HERC1: variants seen among roughly 807,000 people sequenced by gnomAD.
HERC1 encodes the protein probable E3 ubiquitin-protein ligase HERC1.
Under a neutral mutation model 554.3 loss-of-function variants are expected in HERC1, and 160 were observed. That is an observed-to-expected ratio of 0.29 (90% CI 0.25 to 0.33). The LOEUF (loss-of-function observed/expected upper bound fraction) is 0.33. Among genes scored for constraint, HERC1 ranks in the 10% least tolerant of loss-of-function variants. HERC1 has a pLI of 1.00. For missense variants in HERC1, 4,919 were observed against 5,918.5 expected (o/e 0.83, Z 5.54); for synonymous variants, 2,175 against 2,131.7 (o/e 1.02, Z -0.56).
chr15:63,670,929 C>T (rs773709003), intron 39 of HERC1, among the ~76,000 whole-genome samples: 3 of 151,880 alleles, frequency 2.0e-5, no homozygotes, highest in South Asian at 2.1e-4. Flanking sequence ...GGGCCAGGTG[C>T]GGTGGCTCAC....
chr15:63,713,567 G>C lies in HERC1; in HGVS notation c.4249C>G (p.Pro1417Ala), dbSNP rs1395370096. Residue 1417 changes from proline to alanine, a missense_variant, in exon 23 of 78, where the codon CCA (proline) becomes GCA (alanine). Pro to Ala is a conservative substitution (Grantham distance 27, BLOSUM62 -1). Transcript: ENST00000443617. The part of the protein sequence containing the change: ...GAGSGARADD[P>A]PPQSQQERRV... ...CGCTCTTGCTGAGACTGAGGAGGTG[G>C]ATCATCAGCTCGAGCCCCAGACCCT... 5.6e-6 allele frequency: 9 copies of C among 1,613,776 alleles called. No homozygotes were observed. The highest frequency in any genetic ancestry group is 5.9e-6 in the Non-Finnish European group (7 of 1,179,864).
chr15:63,725,515 T>G lies in HERC1; in HGVS notation c.3347-2A>C. On this transcript the variant is annotated splice_acceptor_variant, in intron 17 of 77. Transcript: ENST00000443617. LOFTEE classifies it high-confidence loss of function. ...CAGGATCAATTAGTTCTGGCCCTCC[T>G]AAAGACAAAATCATTAGTTATTGTG... is the stretch of plus-strand genomic sequence containing the variant. 1 of 1,612,130 alleles carries G rather than the reference T, an allele frequency of 6.2e-7. No homozygotes were observed. The highest frequency in any genetic ancestry group is 1.3e-5 in the African/African-American group (1 of 75,004).
chr15:63,770,589 A>G (rs930131546), intron 2 of HERC1, among the ~76,000 whole-genome samples: 14 of 152,246 alleles, frequency 9.2e-5, no homozygotes, highest in South Asian at 2.1e-4. Flanking sequence ...CTATTCTCAT[A>G]TAAGTTAATG....
At chr15:63,686,562 T>C (rs2071773687) in intron 33 of HERC1, 27 bp from the exon 34 acceptor site, 1 of 1,598,526 alleles carries the variant, frequency 6.3e-7, no homozygotes. Context: ...TGGGTCAGCA[T>C]TTTGGAATAA....
intron 2 of HERC1, among the ~76,000 whole-genome samples, chr15:63,774,293 T>C (rs911638010): frequency 1.3e-5 from 2 of 152,192 alleles, no homozygotes; most frequent in African/African-American, 4.8e-5. Flanking sequence ...TGCCCCAAGG[T>C]GTAGAATAGT....
rs768097117 is a variant in HERC1, at chr15:63,643,515, A to T, written c.11220T>A (p.Val3740=). 2.5e-6 allele frequency: 4 copies of T among 1,608,226 alleles called. No individual in the cohort carries two copies. In the South Asian group the frequency reaches 4.4e-5, roughly 18 times the overall value. The change falls in exon 58 of 78, where the codon GTT becomes GTA. Residue 3740 remains valine, a synonymous_variant. Transcript: ENST00000443617. ...GYRKSSGAKC[V]YQLRGHITPV... ...GAGTGATGTGTCCCCGCAGCTGATAAACACACTTGGCTCCTGATGATTTCC... is the reference window on the plus strand; with the variant it reads ...GAGTGATGTGTCCCCGCAGCTGATATACACACTTGGCTCCTGATGATTTCC...
Position 63,713,614 on chromosome 15 carries a change from C to A in HERC1, c.4202G>T (p.Arg1401Leu). 6.2e-7 allele frequency: 1 copy of A among 1,613,348 alleles called. No individual in the cohort carries two copies. The highest frequency in any genetic ancestry group is 8.5e-7 in the Non-Finnish European group (1 of 1,179,650). ...CCCTGCCCCACTGTTCATTCTATCT[C>A]GGTCTCGGCTACGAGCTACTTCACG... ...SAREVARSRDRDRMNSGAGSG... is the reference protein window; with the variant it reads ...SAREVARSRDLDRMNSGAGSG... Residue 1401 changes from arginine to leucine, a missense_variant, in exon 23 of 78, where the codon CGA becomes CTA. By Grantham distance (102) the Arg-to-Leu change is moderately radical. Around this residue, in one of 11 missense-constraint regions of HERC1, gnomAD observed 1,121 missense variants for 1,244.0 expected, o/e 0.90. Coordinates refer to ENST00000443617, the MANE Select transcript of HERC1 (RefSeq NM_003922.4).
chr15:63,680,373 A>C lies in HERC1; in HGVS notation c.6465+164T>G, dbSNP rs1350992418. Among the ~76,000 whole-genome samples the C allele has an allele frequency of 6.6e-6, 1 of 152,218 alleles. No individual in the cohort carries two copies. The highest frequency in any genetic ancestry group is 1.5e-5 in the Non-Finnish European group (1 of 68,036). On this transcript the variant is annotated intron_variant, in intron 35 of 77. Coordinates refer to ENST00000443617, the MANE Select transcript of HERC1 (RefSeq NM_003922.4). The surrounding 1 kb of genome is among the most constrained non-coding windows in gnomAD (Gnocchi z 5.8). ...TCAAAAATCTTATTGGGGTTTTACT[A>C]TCTTCCTGTTTGTTGTTAATAAATG...
chr15:63,814,707 T>A (rs184025776), intron 1 of HERC1, among the ~76,000 whole-genome samples: 1 of 152,022 alleles, frequency 6.6e-6, no homozygotes, highest in Non-Finnish European at 1.5e-5. Flanking sequence ...GGCCTCAAGT[T>A]ATCTGCCCGC....
intron 1 of HERC1, among the ~76,000 whole-genome samples, chr15:63,797,364 C>T (rs762210376): frequency 1.1e-4 from 17 of 152,138 alleles, no homozygotes; most frequent in Non-Finnish European, 2.2e-4. Context: ...TTTGTCACTT[C>T]CTCAATTACT....
rs551361398 is a variant in HERC1, at chr15:63,621,437, C to T, written c.13688+1378G>A. Among the ~76,000 whole-genome samples the T allele has an allele frequency of 2.0e-5, 3 of 152,230 alleles. No individual in the cohort carries two copies. The South Asian group carries it at 6.2e-4, about 32-fold the overall frequency. ...TGGCTGCTCTTAACATTTTTTCCTT[C>T]ATTTCAACTTTGGTGAATCTGACAA... On this transcript the variant is annotated intron_variant, in intron 74 of 77. Transcript: ENST00000443617.
rs1301431865 is a variant in HERC1, at chr15:63,641,624, C to T, written c.11453G>A (p.Cys3818Tyr). The T allele has an allele frequency of 3.9e-6, 6 of 1,552,792 alleles. No individual in the cohort carries two copies. Among genetic ancestry groups the T allele is most frequent in the South Asian group, 1.2e-5 (1 of 83,890 alleles). Residue 3818 changes from cysteine to tyrosine, a missense_variant, in exon 60 of 78, where the codon TGT becomes TAT. By Grantham distance (194) the Cys-to-Tyr change is radical. Transcript: ENST00000443617. ...NRSKDVLVVN[C>Y]TAEWAAANHV... ...ATTGGCAGCTGCCCATTCTGCTGTA[C>T]AATTCACGACCAAAACATCCTGGTT... is the stretch of plus-strand genomic sequence containing the variant.
intron 1 of HERC1, among the ~76,000 whole-genome samples, chr15:63,790,253 A>T (rs2076598851): frequency 6.6e-6 from 1 of 152,160 alleles, no homozygotes; most frequent in Non-Finnish European, 1.5e-5. Flanking sequence ...CTCTACCACC[A>T]ATATTGGTTG....
In HERC1 at chr15:63,694,527, C is replaced by A; in HGVS notation, c.5265G>T (p.Leu1755=). The A allele has an allele frequency of 6.2e-7, 1 of 1,613,972 alleles. No homozygotes were observed. The highest frequency in any genetic ancestry group is 8.5e-7 in the Non-Finnish European group (1 of 1,179,848). ...GAACACTTAGGGCAAAAACTGTAAC[C>A]AGAAGCAGACGTTGCTGGGCTTCTA... ...HHIEAQQRLL[L]VTVFALSVHY... Residue 1755 remains leucine (L), a synonymous_variant, in exon 29 of 78, where the codon CTG becomes CTT. Transcript: ENST00000443617. This position sits in a 1 kb window ranked among gnomAD's most constrained non-coding sequence, Gnocchi z 4.3.
In HERC1 at chr15:63,694,003, C is replaced by CT. The variant is rs1287865515; in HGVS notation, c.5634dup (p.Val1879SerfsTer2). The CT allele has an allele frequency of 3.8e-6, 6 of 1,561,224 alleles. No homozygotes were observed. Among genetic ancestry groups the CT allele is most frequent in the East Asian group, 2.4e-5 (1 of 42,322 alleles). ...TTCTCAGTTTCTCCACTGGAGTCAA[C>CT]TTTTTTTTCTTCTTCTTCACCGTCT... On this transcript the variant is annotated frameshift_variant, in exon 30 of 78. Coordinates refer to ENST00000443617, the MANE Select transcript of HERC1 (RefSeq NM_003922.4). LOFTEE classifies it high-confidence loss of function. The surrounding 1 kb of genome is among the most constrained non-coding windows in gnomAD (Gnocchi z 4.3).
chr15:63,769,610 T>G (rs879627226), intron 2 of HERC1, among the ~76,000 whole-genome samples: 7 of 151,998 alleles, frequency 4.6e-5, no homozygotes, highest in Non-Finnish European at 7.4e-5. Flanking sequence ...TCTCAGCACT[T>G]TCGGAGACTA....
At chr15:63,632,658 C>G in intron 68 of HERC1, 51 bp downstream of exon 68, 5 of 1,200,728 alleles carry the variant, frequency 4.2e-6, no homozygotes, top group Non-Finnish European at 6.0e-6. Context: ...ACTGGAAGGC[C>G]AATGTTTATA....
Position 63,694,232 on chromosome 15 carries a change from G to A in HERC1, c.5481-75C>T. On this transcript the variant is annotated intron_variant, in intron 29 of 77. Coordinates refer to ENST00000443617, the MANE Select transcript of HERC1 (RefSeq NM_003922.4). This position sits in a 1 kb window ranked among gnomAD's most constrained non-coding sequence, Gnocchi z 4.3. ...GCATAGTGCTTAAATACATAAAGCA[G>A]ATTAGAGGGAAAGGGGGAATTCTAA... The A allele has an allele frequency of 1.0e-5, 16 of 1,563,800 alleles. No individual in the cohort carries two copies. The highest frequency in any genetic ancestry group is 3.3e-4 in the Middle Eastern group (2 of 5,974).
In HERC1 at chr15:63,659,921, A is replaced by C; in HGVS notation, c.9239T>G (p.Leu3080Trp). The C allele has an allele frequency of 1.2e-6, 2 of 1,610,296 alleles. No homozygotes were observed. Among genetic ancestry groups the C allele is most frequent in the Non-Finnish European group, 1.7e-6 (2 of 1,176,700 alleles). The change falls in exon 47 of 78, where the codon TTG (leucine) becomes TGG (tryptophan). Residue 3080 changes from leucine (L) to tryptophan (W), a missense_variant. Physicochemically the swap from Leu to Trp is moderately conservative, Grantham distance 61 (BLOSUM62 -2). Transcript: ENST00000443617. ...DSVYEEDWDMLDVDEDEKLTG... is the reference protein window; with the variant it reads ...DSVYEEDWDMWDVDEDEKLTG... ...TAGCTTTTCATCTTCATCAACATCC[A>C]ACATGTCCCAGTCTTCTGGAATTTA... is the stretch of plus-strand genomic sequence containing the variant.
Sources: allele counts gnomAD v4.1 joint callset (sites outside exome capture counted in the v4.1 genomes callset), GRCh38; gene constraint gnomAD v4.1.1; regional missense constraint gnomAD v4.1.1; non-coding constraint Gnocchi (gnomAD v3.1); transcripts MANE v1.5; gene names NCBI Gene and HGNC (gene_info 2026-07-23, HGNC 2026-07-21).